PRICKLE2: variants seen among roughly 807,000 people sequenced by gnomAD.
The protein encoded by PRICKLE2 is prickle-like protein 2.
In PRICKLE2, 21 loss-of-function variants were observed where a neutral mutation model predicts 81.4. That is an observed-to-expected ratio of 0.26 (90% CI 0.18 to 0.37). The LOEUF is 0.37. Among genes scored for constraint, PRICKLE2 ranks in the 10% least tolerant of loss-of-function variants. The pLI is 1.00. For missense variants in PRICKLE2, 940 were observed against 1,109.0 expected (o/e 0.85, Z 2.16); for synonymous variants, 456 against 421.5 (o/e 1.08, Z -1.00).
chr3:64,241,562 T>G (rs1323868293), intron 2 of PRICKLE2, among the ~76,000 whole-genome samples: 2 of 152,322 alleles, frequency 1.3e-5, no homozygotes, highest in African/African-American at 4.8e-5. Context: ...CCCCACCCCC[T>G]CATCTCAATT....
At chr3:64,105,581 G>A (rs575457622) in intron 7 of PRICKLE2, 1 of 152,158 alleles carries the variant, frequency 6.6e-6, no homozygotes, top group Admixed American at 6.5e-5. Context: ...CTCCATCTCT[G>A]GTGATTCATT....
intron 2 of PRICKLE2, chr3:64,187,451 G>A (rs1352399188): frequency 2.6e-5 from 4 of 152,250 alleles, no homozygotes; most frequent in African/African-American, 7.2e-5. Context: ...ACCGAGGTGA[G>A]TGACAGTGAA....
chr3:64,154,657 G>C (rs187752845), intron 5 of PRICKLE2: 1 of 152,272 alleles, frequency 6.6e-6, no homozygotes, highest in Admixed American at 6.5e-5. Flanking sequence ...CTAGGCAATG[G>C]TTTCTTAGAT....
At chr3:64,154,672 T>C (rs1413795361) in intron 5 of PRICKLE2, 2 of 152,186 alleles carry the variant, frequency 1.3e-5, no homozygotes, top group African/African-American at 2.4e-5. Flanking sequence ...TTAGATATGA[T>C]GCTAAAAGCA....
intron 2 of PRICKLE2, among the ~76,000 whole-genome samples, chr3:64,164,550 C>T (rs560607990): frequency 1.3e-5 from 2 of 152,222 alleles, no homozygotes; most frequent in African/African-American, 2.4e-5. Flanking sequence ...TTTGTAATGA[C>T]AAGGCCTTAA....
chr3:64,212,958 T>C (rs181583488), intron 1 of PRICKLE2, among the ~76,000 whole-genome samples: 138 of 152,312 alleles, frequency 9.1e-4, no homozygotes, highest in Admixed American at 1.8e-3. Flanking sequence ...ATCCTTAGTG[T>C]ACACTTAAAG....
At chr3:64,197,300 G>A (rs1162387602) in intron 2 of PRICKLE2, among the ~76,000 whole-genome samples, 1 of 152,076 alleles carries the variant, frequency 6.6e-6, no homozygotes, top group Non-Finnish European at 1.5e-5. Context: ...TGGGTCAAAT[G>A]GTATTAACGT....
At chr3:64,102,982 G>T (rs2076692883) in intron 7 of PRICKLE2, 1 of 152,182 alleles carries the variant, frequency 6.6e-6, no homozygotes, top group South Asian at 2.1e-4. Flanking sequence ...GTGTGTGCAT[G>T]CATGTGAACA....
chr3:64,115,917 A>G (rs776573332), intron 7 of PRICKLE2, among the ~76,000 whole-genome samples: 1 of 152,138 alleles, frequency 6.6e-6, no homozygotes, highest in South Asian at 2.1e-4. Flanking sequence ...CACATGGCAT[A>G]TATTCTAAAA....
At chr3:64,191,578 G>C (rs1332709007) in intron 2 of PRICKLE2, among the ~76,000 whole-genome samples, 1 of 152,230 alleles carries the variant, frequency 6.6e-6, no homozygotes. Flanking sequence ...GACAGGAAGA[G>C]TAATTACTAA....
intron 7 of PRICKLE2, among the ~76,000 whole-genome samples, chr3:64,130,467 A>G (rs2077180041): frequency 6.6e-6 from 1 of 152,188 alleles, no homozygotes; most frequent in Non-Finnish European, 1.5e-5. Context: ...ATGTAATGCT[A>G]GACTCTCTGC....
At position 64,219,753 on chromosome 3, in the gene PRICKLE2, T is replaced by C. The variant is rs762938645; in HGVS notation, c.-41+5157A>G. Reference sequence around the variant, plus strand: ...GAAACAAACACATCCCCAGGGGACATTATAATGAAAAGTATAAAGAAGCCT... The same window carrying C: ...GAAACAAACACATCCCCAGGGGACACTATAATGAAAAGTATAAAGAAGCCT... On this transcript the variant is annotated intron_variant, in intron 1 of 7. Coordinates refer to ENST00000638394, the MANE Select transcript of PRICKLE2 (RefSeq NM_198859.4). Among the ~76,000 whole-genome samples, 128 of 152,168 alleles carry C rather than the reference T, an allele frequency of 8.4e-4. 2 individuals are homozygous for C. Among genetic ancestry groups the C allele is most frequent in the Non-Finnish European group, 3.4e-4 (23 of 68,026 alleles).
chr3:64,092,725 A>G lies in PRICKLE2; in HGVS notation c.*6326T>C, dbSNP rs1278473914. 1 of 152,236 alleles carries G rather than the reference A, an allele frequency of 6.6e-6. No homozygotes were observed. Among genetic ancestry groups the G allele is most frequent in the African/African-American group, 2.4e-5 (1 of 41,468 alleles). 9.4% of individuals were successfully genotyped at this position (152,236 alleles called of 1,614,324 possible). A position where few individuals can be genotyped will look rare whatever the true frequency, so the allele number is the denominator to read the frequency against. ...CATCTGCTGCTTTCAATTCTTGCTA[A>G]TAACTGAAAATTAACTGTGTGGCCT... On this transcript the variant is annotated 3_prime_UTR_variant, in exon 8 of 8. Coordinates refer to ENST00000638394, the MANE Select transcript of PRICKLE2 (RefSeq NM_198859.4).
intron 2 of PRICKLE2, among the ~76,000 whole-genome samples, chr3:64,255,723 T>C (rs774050833): frequency 6.6e-6 from 1 of 152,202 alleles, no homozygotes; most frequent in African/African-American, 2.4e-5. Flanking sequence ...CCAGTTTTCA[T>C]CTAAGCACAC....
intron 7 of PRICKLE2, among the ~76,000 whole-genome samples, chr3:64,109,634 C>T (rs2076812379): frequency 6.6e-6 from 1 of 152,202 alleles, no homozygotes; most frequent in Non-Finnish European, 1.5e-5. Context: ...ACTTCACACT[C>T]CCACCCCCAG....
At chr3:64,141,211 A>G (rs1241353968) in intron 7 of PRICKLE2, among the ~76,000 whole-genome samples, 1 of 152,202 alleles carries the variant, frequency 6.6e-6, no homozygotes, top group Non-Finnish European at 1.5e-5. Context: ...ATGGTCATTC[A>G]CATCAGCCAT....
At chr3:64,207,886 T>A (rs696021) in intron 1 of PRICKLE2, among the ~76,000 whole-genome samples, 18,367 of 152,114 alleles carry the variant, frequency 0.12, 1,408 homozygotes, top group East Asian at 0.39. Flanking sequence ...CTGCGATAAC[T>A]TACATCACTT....
At chr3:64,243,395 T>C (rs935281951) in intron 2 of PRICKLE2, among the ~76,000 whole-genome samples, 9 of 152,114 alleles carry the variant, frequency 5.9e-5, no homozygotes, top group African/African-American at 2.2e-4. Context: ...ACCAAATATA[T>C]CTCCAGAAAT....
In PRICKLE2 at chr3:64,145,335, C is replaced by A. The variant is rs2077430537; in HGVS notation, c.1660+1495G>T. 3 of 137,784 alleles carry A rather than the reference C, an allele frequency of 2.2e-5. No individual in the cohort carries two copies. In the South Asian group the frequency reaches 6.8e-4, roughly 31 times the overall value. The allele number at this position is 137,784 out of a possible 1,614,324, so 8.5% of individuals were successfully genotyped here. On this transcript the variant is annotated intron_variant, in intron 7 of 7. Coordinates refer to ENST00000638394, the MANE Select transcript of PRICKLE2 (RefSeq NM_198859.4). Reference sequence around the variant, plus strand: ...TATATTTATATATTATATATACACACAATATATATTATATATGATATATAT... The same window carrying A: ...TATATTTATATATTATATATACACAAAATATATATTATATATGATATATAT...
Sources: gnomAD v4.1 joint callset for allele counts (sites outside exome capture counted in the v4.1 genomes callset) on GRCh38, gnomAD v4.1.1 for gene constraint, MANE v1.5 for transcripts, NCBI Gene and HGNC (gene_info 2026-07-23, HGNC 2026-07-21) for gene names.